MYO1D: variants seen among roughly 807,000 people sequenced by gnomAD.
MYO1D encodes the protein myosin ID, also known as unconventional myosin-Id.
Under a neutral mutation model 122.0 loss-of-function variants are expected in MYO1D, and 83 were observed. The observed-to-expected ratio is 0.68, with a 90% CI of 0.57 to 0.82. The LOEUF (loss-of-function observed/expected upper bound fraction) is 0.82. Among genes scored for constraint, MYO1D ranks in the 40% least tolerant of loss-of-function variants. MYO1D has a pLI of 0.00. For synonymous variants in MYO1D, 464 were observed against 446.9 expected, an observed-to-expected ratio of 1.04 and a Z score of -0.48; for missense variants, 1,157 against 1,269.5, an observed-to-expected ratio of 0.91 and a Z score of 1.35.
Position 32,532,666 on chromosome 17 carries a change from G to A in MYO1D, c.2865-37751C>T, listed in dbSNP as rs1156236639. Reference sequence around the variant, plus strand: ...GCGTGAACCTGGGAGGCGGAGCTTGGAGTAAGCCGAGATTGCCACTGCACT... The same window carrying A: ...GCGTGAACCTGGGAGGCGGAGCTTGAAGTAAGCCGAGATTGCCACTGCACT... On this transcript the variant is annotated intron_variant, in intron 21 of 21. Transcript: ENST00000318217. Among the ~76,000 whole-genome samples, 3 of 147,848 alleles carry A rather than the reference G, an allele frequency of 2.0e-5. No homozygotes were observed. In the South Asian group the frequency reaches 6.6e-4, roughly 33 times the overall value.
intron 21 of MYO1D, chr17:32,510,680 A>G (rs1169256001): frequency 6.6e-6 from 1 of 151,968 alleles, no homozygotes; most frequent in African/African-American, 2.4e-5. Context: ...CCAGGCAGGG[A>G]CTCGGTGCAC....
chr17:32,764,581 T>C (rs539009163), intron 8 of MYO1D, among the ~76,000 whole-genome samples: 9 of 152,128 alleles, frequency 5.9e-5, no homozygotes, highest in African/African-American at 2.2e-4. Flanking sequence ...TTAAAAAAAA[T>C]GGATCAGAGC....
chr17:32,754,175 G>C (rs1226417153), intron 11 of MYO1D, among the ~76,000 whole-genome samples: 1 of 152,136 alleles, frequency 6.6e-6, no homozygotes, highest in Non-Finnish European at 1.5e-5. Flanking sequence ...ATTATAAAGG[G>C]CATTTATAAA....
intron 16 of MYO1D, among the ~76,000 whole-genome samples, chr17:32,705,082 G>T (rs777358925): frequency 6.6e-6 from 1 of 151,656 alleles, no homozygotes; most frequent in Non-Finnish European, 1.5e-5. Flanking sequence ...TCAAATACAC[G>T]ACTGAGTACT....
chr17:32,767,736 G>A lies in MYO1D; in HGVS notation c.731C>T (p.Ala244Val). 6.2e-7 allele frequency: 1 copy of A among 1,612,702 alleles called. No homozygotes were observed. Among genetic ancestry groups the A allele is most frequent in the Non-Finnish European group, 8.5e-7 (1 of 1,178,944 alleles). Reference protein sequence around the residue: ...GAQLKSSINDAAEFRVVADAM... With the variant: ...GAQLKSSINDVAEFRVVADAM... Reference sequence around the variant, plus strand: ...ATCAGCAACAACTCTGAATTCGGCAGCATCATTGATAGAAGACTGGGGATG... The same window carrying A: ...ATCAGCAACAACTCTGAATTCGGCAACATCATTGATAGAAGACTGGGGATG... Residue 244 changes from alanine to valine, a missense_variant, in exon 7 of 22, where the codon GCT becomes GTT. Transcript: ENST00000318217.
chr17:32,683,885 T>C (rs1197196919), intron 16 of MYO1D, among the ~76,000 whole-genome samples: 1 of 151,874 alleles, frequency 6.6e-6, no homozygotes, highest in Middle Eastern at 3.2e-3. Flanking sequence ...ACTGCTGTGC[T>C]AGCAATCAGC....
chr17:32,774,255 C>T (rs1319146360), intron 4 of MYO1D, among the ~76,000 whole-genome samples: 1 of 152,160 alleles, frequency 6.6e-6, no homozygotes, highest in Non-Finnish European at 1.5e-5. Context: ...ATCCTAAAGA[C>T]CCCCATGGAT....
chr17:32,594,499 A>G (rs2150906982), intron 21 of MYO1D: 1 of 549,464 alleles, frequency 1.8e-6, no homozygotes, highest in South Asian at 2.7e-5. Flanking sequence ...TTTGCCATGT[A>G]ATCTTGGGCC....
At chr17:32,726,614 AATAGAT>A (rs1195482205) in intron 14 of MYO1D, among the ~76,000 whole-genome samples, 2 of 149,724 alleles carry the variant, frequency 1.3e-5, no homozygotes, top group African/African-American at 2.4e-5. Flanking sequence ...TAACAGATAT[AATAGAT>A]ATAGATATTA....
intron 16 of MYO1D, among the ~76,000 whole-genome samples, chr17:32,683,917 C>T (rs1308477212): frequency 2.6e-5 from 4 of 152,114 alleles, no homozygotes; most frequent in Admixed American, 1.3e-4. Context: ...GGCGTAGGAC[C>T]CTCCGAGCCA....
intron 15 of MYO1D, among the ~76,000 whole-genome samples, chr17:32,719,508 G>A (rs1407257011): frequency 4.6e-5 from 7 of 151,740 alleles, no homozygotes; most frequent in East Asian, 1.9e-4. Flanking sequence ...CCGCCACCAC[G>A]CCCGGCTAAT....
At chr17:32,827,161 G>A (rs995214768) in intron 1 of MYO1D, among the ~76,000 whole-genome samples, 12 of 152,168 alleles carry the variant, frequency 7.9e-5, no homozygotes, top group African/African-American at 2.9e-4. Context: ...TGGATGAACG[G>A]AGAAACAAAA....
chr17:32,692,103 A>G (rs2089110288), intron 16 of MYO1D, among the ~76,000 whole-genome samples: 1 of 152,242 alleles, frequency 6.6e-6, no homozygotes, highest in South Asian at 2.1e-4. Flanking sequence ...ATATAGCTTA[A>G]GACTGCTATA....
At chr17:32,563,582 T>C (rs2087146531) in intron 21 of MYO1D, among the ~76,000 whole-genome samples, 1 of 152,198 alleles carries the variant, frequency 6.6e-6, no homozygotes, top group South Asian at 2.1e-4. Flanking sequence ...CTGTGTGTGC[T>C]TCAGCACCTG....
At chr17:32,852,730 T>C (rs1490747333) in intron 1 of MYO1D, among the ~76,000 whole-genome samples, 1 of 152,178 alleles carries the variant, frequency 6.6e-6, no homozygotes, top group Non-Finnish European at 1.5e-5. Flanking sequence ...CTTTATATAT[T>C]TCTATATTTT....
chr17:32,699,624 G>A (rs1283870026), intron 16 of MYO1D, among the ~76,000 whole-genome samples: 1 of 152,168 alleles, frequency 6.6e-6, no homozygotes, highest in Non-Finnish European at 1.5e-5. Flanking sequence ...GTCCTTATCT[G>A]TAGATTGGTA....
intron 21 of MYO1D, among the ~76,000 whole-genome samples, chr17:32,592,480 A>G (rs8067097): frequency 0.46 from 69,973 of 151,736 alleles, 16,623 homozygotes; most frequent in Middle Eastern, 0.57. Flanking sequence ...TATTTTACCT[A>G]ATTCTTCTAT....
chr17:32,579,862 T>C (rs1354670756), intron 21 of MYO1D, among the ~76,000 whole-genome samples: 1 of 152,254 alleles, frequency 6.6e-6, no homozygotes, highest in Non-Finnish European at 1.5e-5. Flanking sequence ...TGTATGGATA[T>C]AACAGTTTGC....
At chr17:32,821,686 G>A (rs1250658487) in intron 1 of MYO1D, among the ~76,000 whole-genome samples, 1 of 152,112 alleles carries the variant, frequency 6.6e-6, no homozygotes, top group African/African-American at 2.4e-5. Flanking sequence ...ACTAGGGACT[G>A]GGGGGAAAAG....
Sources: allele counts gnomAD v4.1 joint callset (sites outside exome capture counted in the v4.1 genomes callset), GRCh38; gene constraint gnomAD v4.1.1; transcripts MANE v1.5; gene names NCBI Gene and HGNC (gene_info 2026-07-23, HGNC 2026-07-21).